The following CMKLR2 variants were observed in gnomAD, a reference collection of about 807,000 sequenced individuals.
CMKLR2 encodes chemerin-like receptor 2.
A neutral mutation model predicts 23.0 loss-of-function variants in CMKLR2; 18 were observed. The ratio of observed to expected loss-of-function variants is 0.78; its 90% CI spans 0.54 to 1.16. CMKLR2 has a LOEUF of 1.16. Ranked by LOEUF, CMKLR2 falls within the 50% of genes most tolerant of loss-of-function variation. The pLI is 0.00. For synonymous variants in CMKLR2, 158 were observed against 158.9 expected, an observed-to-expected ratio of 0.99 and a Z score of 0.05; for missense variants, 401 against 412.7, an observed-to-expected ratio of 0.97 and a Z score of 0.25.
At chr2:206,184,721 C>A (rs1339010369) in intron 1 of CMKLR2, among the ~76,000 whole-genome samples, 1 of 152,120 alleles carries the variant, frequency 6.6e-6, no homozygotes, top group Non-Finnish European at 1.5e-5. Context: ...TGGCAACCAC[C>A]ATTTCTGAAT....
chr2:206,180,463 C>G (rs1390585404), intron 1 of CMKLR2, among the ~76,000 whole-genome samples: 1 of 152,124 alleles, frequency 6.6e-6, no homozygotes, highest in Non-Finnish European at 1.5e-5. Flanking sequence ...GAGACATAGT[C>G]TGCCACTGTC....
intron 1 of CMKLR2, among the ~76,000 whole-genome samples, chr2:206,184,453 C>T (rs1033888265): frequency 3.3e-5 from 5 of 152,008 alleles, no homozygotes; most frequent in African/African-American, 1.2e-4. Context: ...TGCGCCACCA[C>T]ATACGGCTAA....
intron 1 of CMKLR2, among the ~76,000 whole-genome samples, chr2:206,179,661 T>C (rs10178595): frequency 0.015 from 2,214 of 152,264 alleles, 47 homozygotes; most frequent in African/African-American, 0.051. Flanking sequence ...GACCAGTTTT[T>C]CTGGGTTAAG....
chr2:206,187,433 T>C (rs1381619575), intron 1 of CMKLR2, among the ~76,000 whole-genome samples: 17 of 152,184 alleles, frequency 1.1e-4, no homozygotes, highest in Non-Finnish European at 2.9e-5. Flanking sequence ...GGAGATTAGA[T>C]CGTGAAAATG....
intron 1 of CMKLR2, among the ~76,000 whole-genome samples, chr2:206,210,534 C>T (rs1340430269): frequency 3.3e-5 from 5 of 151,436 alleles, no homozygotes; most frequent in South Asian, 2.1e-4. Flanking sequence ...TCTTGGCTTA[C>T]TGCAACCTCC....
At chr2:206,180,479 G>A (rs901168890) in intron 1 of CMKLR2, among the ~76,000 whole-genome samples, 1 of 152,056 alleles carries the variant, frequency 6.6e-6, no homozygotes, top group Non-Finnish European at 1.5e-5. Context: ...CTGTCACCCA[G>A]GTCAGAACGC....
intron 1 of CMKLR2, among the ~76,000 whole-genome samples, chr2:206,201,106 C>A (rs921557478): frequency 9.9e-5 from 15 of 152,110 alleles, no homozygotes; most frequent in African/African-American, 3.6e-4. Flanking sequence ...CACCCACCAC[C>A]ACTCCTGGCT....
intron 1 of CMKLR2, among the ~76,000 whole-genome samples, chr2:206,187,499 G>A (rs929943801): frequency 1.3e-5 from 2 of 152,130 alleles, no homozygotes; most frequent in African/African-American, 4.8e-5. Context: ...GGAAAAATGT[G>A]TTTACAAAGA....
At position 206,176,214 on chromosome 2, in the gene CMKLR2, G is replaced by A; in HGVS notation, c.1034C>T (p.Thr345Ile). The A allele has an allele frequency of 1.2e-6, 2 of 1,612,846 alleles. No individual in the cohort carries two copies. Among genetic ancestry groups the A allele is most frequent in the Non-Finnish European group, 1.7e-6 (2 of 1,179,426 alleles). Residue 345 changes from threonine to isoleucine, a missense_variant, in exon 2 of 2, where the codon ACC (threonine) becomes ATC (isoleucine). By Grantham distance (89) the Thr-to-Ile change is moderately conservative (BLOSUM62 -1). Transcript: ENST00000621141. The stretch of plus-strand genomic sequence containing the variant: ...TGTTTCCAGGAGACACAGATTCTTG[G>A]TTTCTGAGTTCCTGAGCTGTTCACT... ...TVSEQLRNSE[T>I]KNLCLLETAQ
chr2:206,202,334 G>A (rs922417107), intron 1 of CMKLR2, among the ~76,000 whole-genome samples: 8 of 152,276 alleles, frequency 5.3e-5, no homozygotes, highest in African/African-American at 1.9e-4. Flanking sequence ...GGGATGGGGT[G>A]ACATGGAGGC....
At chr2:206,192,376 A>T (rs1688779829) in intron 1 of CMKLR2, among the ~76,000 whole-genome samples, 1 of 147,392 alleles carries the variant, frequency 6.8e-6, no homozygotes, top group African/African-American at 2.5e-5. Flanking sequence ...TGATTCAATT[A>T]TATTTTATTA....
At chr2:206,205,414 G>C (rs1384692251) in intron 1 of CMKLR2, among the ~76,000 whole-genome samples, 1 of 152,098 alleles carries the variant, frequency 6.6e-6, no homozygotes, top group East Asian at 1.9e-4. Context: ...CCAGGCTAGA[G>C]TGCACTAGCA....
intron 1 of CMKLR2, among the ~76,000 whole-genome samples, chr2:206,180,376 A>C: frequency 6.6e-6 from 1 of 151,902 alleles, no homozygotes. Flanking sequence ...GTGACCCTTG[A>C]AAAACATGGG....
At chr2:206,184,678 G>T (rs1019112325) in intron 1 of CMKLR2, among the ~76,000 whole-genome samples, 4 of 151,966 alleles carry the variant, frequency 2.6e-5, no homozygotes, top group Non-Finnish European at 4.4e-5. Flanking sequence ...GGGGAGGAGG[G>T]TTACCATCCA....
At chr2:206,188,478 C>G (rs1311575272) in intron 1 of CMKLR2, among the ~76,000 whole-genome samples, 2 of 152,176 alleles carry the variant, frequency 1.3e-5, no homozygotes, top group Non-Finnish European at 2.9e-5. Context: ...GAAATGAAGA[C>G]TAATAAAGGT....
chr2:206,186,504 G>A (rs1688585717), intron 1 of CMKLR2, among the ~76,000 whole-genome samples: 1 of 152,174 alleles, frequency 6.6e-6, no homozygotes, highest in East Asian at 1.9e-4. Context: ...AGCCCTGGCA[G>A]TGCTCACCTC....
intron 1 of CMKLR2, among the ~76,000 whole-genome samples, chr2:206,181,828 T>C (rs1339022116): frequency 6.6e-6 from 1 of 151,730 alleles, no homozygotes; most frequent in African/African-American, 2.4e-5. Flanking sequence ...GGTGCATGCC[T>C]GTAATCCCAG....
intron 1 of CMKLR2, among the ~76,000 whole-genome samples, chr2:206,183,438 AGGGT>A (rs1310339643): frequency 6.6e-6 from 1 of 152,026 alleles, no homozygotes. Flanking sequence ...AGGGGATTGG[AGGGT>A]GGGATACTGG....
intron 1 of CMKLR2, among the ~76,000 whole-genome samples, chr2:206,194,896 GGCA>G (rs1688872605): frequency 8.6e-5 from 13 of 151,932 alleles, no homozygotes; most frequent in Non-Finnish European, 8.8e-5. Context: ...TGGGACTACA[GGCA>G]CCAGCCACAA....
Sources: allele counts gnomAD v4.1 joint callset (sites outside exome capture counted in the v4.1 genomes callset), GRCh38; gene constraint gnomAD v4.1.1; transcripts MANE v1.5; gene names NCBI Gene and HGNC (gene_info 2026-07-23, HGNC 2026-07-21).